The following DHRSX variants were observed in gnomAD, a reference collection of about 807,000 sequenced individuals.
The protein encoded by DHRSX is dehydrogenase/reductase X-linked, also known as polyprenol dehydrogenase.
A neutral mutation model predicts 34.0 loss-of-function variants in DHRSX; 31 were observed. The observed-to-expected ratio is 0.91, with a 90% CI of 0.69 to 1.23. DHRSX has a LOEUF of 1.23. DHRSX is among the 50% of genes most tolerant of loss of function. The pLI, the probability that DHRSX is intolerant of heterozygous loss-of-function variation, is 0.00. For synonymous variants in DHRSX, 201 were observed against 183.8 expected, an observed-to-expected ratio of 1.09 and a Z score of -0.76; for missense variants, 414 against 428.1, an observed-to-expected ratio of 0.97 and a Z score of 0.29.
rs186567702 is a variant in DHRSX at position 2,295,825 on chromosome X, C to T, written c.287-4222G>A. Among the ~76,000 whole-genome samples, 4 of 152,254 alleles carry T rather than the reference C, an allele frequency of 2.6e-5. 1 individual carries two copies. The highest frequency in any genetic ancestry group is 1.3e-4 in the Admixed American group (2 of 15,278). On this transcript the variant is annotated intron_variant, in intron 3 of 6. Coordinates refer to ENST00000334651, the MANE Select transcript of DHRSX (RefSeq NM_145177.3). ...TGTATTGACGGCTTGTATTTTCACG[C>T]GGTTCCGGCATGTGGCAATACCGAA...
At chrX:2,496,209 G>A (rs1171994352) in intron 1 of DHRSX, among the ~76,000 whole-genome samples, 1 of 150,402 alleles carries the variant, frequency 6.6e-6, no homozygotes, top group Non-Finnish European at 1.5e-5. Context: ...TGTTTTTTTG[G>A]TTTTTTTGAG....
At chrX:2,500,457 C>T in intron 1 of DHRSX, 1 of 161,224 alleles carries the variant, frequency 6.2e-6, no homozygotes, top group Non-Finnish European at 1.4e-5. Context: ...CCCGGGTCCC[C>T]GGCCATGGCC....
At chrX:2,314,218 G>C (rs2042199607) in intron 3 of DHRSX, among the ~76,000 whole-genome samples, 4 of 18,628 alleles carry the variant, frequency 2.1e-4, no homozygotes, top group South Asian at 1.4e-3. Context: ...GGGAGGGAAG[G>C]AGGGAAGGAA....
At position 2,305,742 on chromosome X, in the gene DHRSX, A is replaced by G. The variant is rs150436478; in HGVS notation, c.287-14139T>C. 9.3e-3 allele frequency among the ~76,000 whole-genome samples: 1,412 copies of G among 151,970 alleles called. 19 individuals carry two copies. Among genetic ancestry groups the G allele is most frequent in the African/African-American group, 0.029 (1,219 of 41,446 alleles). On this transcript the variant is annotated intron_variant, in intron 3 of 6. Coordinates refer to ENST00000334651, the MANE Select transcript of DHRSX (RefSeq NM_145177.3). ...ATTCTCAGCAAACTAACACAAGAAC[A>G]GAAAACTAAACACCACATGTTCTCA...
At chrX:2,315,663 A>G (rs192804256) in intron 3 of DHRSX, among the ~76,000 whole-genome samples, 16 of 152,226 alleles carry the variant, frequency 1.1e-4, no homozygotes, top group Admixed American at 2.0e-4. Flanking sequence ...TTAAAAAACA[A>G]CACCCCTTTA....
At position 2,318,350 on chromosome X, in the gene DHRSX, CA is replaced by C. The variant is rs774165774; in HGVS notation, c.287-26748del. On this transcript the variant is annotated intron_variant, in intron 3 of 6. Coordinates refer to ENST00000334651, the MANE Select transcript of DHRSX (RefSeq NM_145177.3). ...GGGCAACACAGTGACAACCCAATCT[CA>C]AAAAAAAAAAAAGATACCCTTCCAG... 4.5e-3 allele frequency among the ~76,000 whole-genome samples: 620 copies of C among 136,578 alleles called. 4 individuals are homozygous for C. Among genetic ancestry groups the C allele is most frequent in the Middle Eastern group, 3.6e-3 (1 of 278 alleles). The allele number at this position is 136,578 out of a possible 152,430, so 89.6% of individuals were successfully genotyped here.
chrX:2,431,144 T>C (rs2043915337), intron 1 of DHRSX, among the ~76,000 whole-genome samples: 1 of 152,068 alleles, frequency 6.6e-6, no homozygotes, highest in East Asian at 1.9e-4. Flanking sequence ...GCTAACACGG[T>C]GAAACCCGGT....
intron 2 of DHRSX, among the ~76,000 whole-genome samples, chrX:2,422,048 C>A (rs1038031265): frequency 6.6e-6 from 1 of 152,102 alleles, no homozygotes; most frequent in African/African-American, 2.4e-5. Context: ...TATGCTTGAG[C>A]CTTTTGGGCT....
At chrX:2,419,059 T>A (rs901647560) in intron 2 of DHRSX, among the ~76,000 whole-genome samples, 7 of 152,152 alleles carry the variant, frequency 4.6e-5, no homozygotes, top group Non-Finnish European at 8.8e-5. Context: ...GGTCTCCTCA[T>A]CTAAACCCAA....
At chrX:2,263,667 C>T (rs1569481434) in intron 5 of DHRSX, among the ~76,000 whole-genome samples, 1 of 151,998 alleles carries the variant, frequency 6.6e-6, no homozygotes, top group African/African-American at 2.4e-5. Context: ...GCGTCCACCA[C>T]CACGCCTGGC....
At chrX:2,276,343 T>A (rs1342939934) in intron 4 of DHRSX, among the ~76,000 whole-genome samples, 1 of 152,182 alleles carries the variant, frequency 6.6e-6, no homozygotes, top group Non-Finnish European at 1.5e-5. Context: ...GTTAGGAGCA[T>A]TCACGGAATC....
chrX:2,475,340 A>C (rs1256963172), intron 1 of DHRSX, among the ~76,000 whole-genome samples: 1 of 151,542 alleles, frequency 6.6e-6, no homozygotes, highest in Non-Finnish European at 1.5e-5. Context: ...TTCCCTAAGC[A>C]TGCGGCTAAG....
intron 3 of DHRSX, among the ~76,000 whole-genome samples, chrX:2,315,869 C>G (rs138881150): frequency 0.014 from 2,197 of 152,158 alleles, 62 homozygotes; most frequent in African/African-American, 0.048. Flanking sequence ...CACATTTTCT[C>G]TCTTTTCTTT....
chrX:2,227,262 C>G (rs34724077), intron 6 of DHRSX, among the ~76,000 whole-genome samples: 4,190 of 150,040 alleles, frequency 0.028, 125 homozygotes, highest in African/African-American at 0.067. Context: ...TTTGGGTATT[C>G]AAAGGTCAGT....
intron 1 of DHRSX, among the ~76,000 whole-genome samples, chrX:2,472,118 C>T (rs1042443160): frequency 1.8e-4 from 27 of 147,308 alleles, no homozygotes; most frequent in Non-Finnish European, 3.7e-4. Context: ...GCACTCCAGC[C>T]TGGGCAACAA....
At chrX:2,461,258 CG>C (rs1288304591) in intron 1 of DHRSX, among the ~76,000 whole-genome samples, 1 of 152,124 alleles carries the variant, frequency 6.6e-6, no homozygotes, top group Non-Finnish European at 1.5e-5. Flanking sequence ...CCGGTGACCT[CG>C]AACACCCCAG....
intron 1 of DHRSX, among the ~76,000 whole-genome samples, chrX:2,465,273 G>A (rs1049443632): frequency 3.9e-5 from 6 of 152,126 alleles, no homozygotes; most frequent in Admixed American, 3.3e-4. Flanking sequence ...GACTAGCCAC[G>A]AACCCAGCTA....
chrX:2,469,928 C>G (rs1424967556), intron 1 of DHRSX, among the ~76,000 whole-genome samples: 2 of 152,088 alleles, frequency 1.3e-5, no homozygotes, highest in Non-Finnish European at 2.9e-5. Flanking sequence ...AGGAAATCAG[C>G]CCATCAATGG....
chrX:2,288,479 C>T (rs1484626280), intron 4 of DHRSX, among the ~76,000 whole-genome samples: 2 of 152,194 alleles, frequency 1.3e-5, no homozygotes, highest in Non-Finnish European at 2.9e-5. Context: ...ACGTAATCCA[C>T]CTGCCTCGGC....
Sources: gnomAD v4.1 joint callset for allele counts (sites outside exome capture counted in the v4.1 genomes callset) on GRCh38, gnomAD v4.1.1 for gene constraint, MANE v1.5 for transcripts, NCBI Gene and HGNC (gene_info 2026-07-23, HGNC 2026-07-21) for gene names.